The following AFTPH variants were observed in gnomAD, a reference collection of about 807,000 sequenced individuals.
AFTPH encodes the protein aftiphilin.
AFTPH carries 7 observed loss-of-function variants against 72.5 expected under a neutral mutation model. That is an observed-to-expected ratio of 0.10 (90% confidence interval 0.05 to 0.18). AFTPH has a LOEUF of 0.18. Among genes scored for constraint, AFTPH ranks in the 10% least tolerant of loss-of-function variants. The pLI is 1.00. For synonymous variants in AFTPH, 337 were observed against 370.1 expected, an observed-to-expected ratio of 0.91 and a Z score of 1.03; for missense variants, 979 against 1,060.5, an observed-to-expected ratio of 0.92 and a Z score of 1.07.
rs553731126 is a variant in AFTPH, at chr2:64,578,077, T to G, written c.2395-1409T>G. Among the ~76,000 whole-genome samples the G allele has an allele frequency of 2.6e-5, 4 of 152,332 alleles. No individual in the cohort carries two copies. In the East Asian group the frequency reaches 7.7e-4, roughly 29 times the overall value. ...AACTAATGTTAGTATTTTACTTGGT[T>G]TATACCTTGCTCCAGGCTGGACCTG... is the stretch of plus-strand genomic sequence containing the variant. On this transcript the variant is annotated intron_variant, in intron 6 of 8. Transcript: ENST00000238856.
At chr2:64,556,222 A>G (rs1572985977) in intron 2 of AFTPH, among the ~76,000 whole-genome samples, 2 of 152,290 alleles carry the variant, frequency 1.3e-5, no homozygotes, top group Non-Finnish European at 2.9e-5. Context: ...TCCTGACCTC[A>G]GGTGATCCAC....
chr2:64,543,944 A>G (rs925278894), intron 1 of AFTPH, among the ~76,000 whole-genome samples: 3 of 152,126 alleles, frequency 2.0e-5, no homozygotes, highest in Non-Finnish European at 2.9e-5. Flanking sequence ...ATACAGAATC[A>G]CCTTCACCTG....
intron 2 of AFTPH, among the ~76,000 whole-genome samples, chr2:64,560,746 G>A (rs964766874): frequency 2.0e-5 from 3 of 152,088 alleles, no homozygotes; most frequent in Admixed American, 6.5e-5. Context: ...GGTGGTGTGC[G>A]GCTGTAATTT....
At chr2:64,552,378 A>G (rs565051653) in exon 2 of AFTPH, 2 of 1,614,082 alleles carry the variant, frequency 1.2e-6, no homozygotes, top group African/African-American at 1.3e-5. Flanking sequence ...TGTTTCAGAA[A>G]TAAGCATAGT....
chr2:64,564,017 T>G (rs572568600), intron 2 of AFTPH, among the ~76,000 whole-genome samples: 1 of 152,320 alleles, frequency 6.6e-6, no homozygotes, highest in East Asian at 1.9e-4. Flanking sequence ...TATCCAAAAT[T>G]TAAACTCTAC....
intron 7 of AFTPH, among the ~76,000 whole-genome samples, chr2:64,583,054 G>A (rs933659542): frequency 4.6e-5 from 7 of 152,078 alleles, no homozygotes; most frequent in Non-Finnish European, 1.0e-4. Flanking sequence ...ATATAAATTT[G>A]ATTACTATAT....
At chr2:64,570,904 C>T (rs1672375543) in intron 5 of AFTPH, among the ~76,000 whole-genome samples, 3 of 98,642 alleles carry the variant, frequency 3.0e-5, no homozygotes, top group South Asian at 4.5e-4. Context: ...TTTCCCACTT[C>T]TTTCCTCCCC....
At chr2:64,557,111 A>ATT (rs966328078) in intron 2 of AFTPH, among the ~76,000 whole-genome samples, 1 of 151,720 alleles carries the variant, frequency 6.6e-6, no homozygotes, top group Non-Finnish European at 1.5e-5. Context: ...AAGCCAGGAA[A>ATT]TTTTTTTTTA....
At chr2:64,565,319 CA>C in intron 2 of AFTPH, among the ~76,000 whole-genome samples, 1 of 151,210 alleles carries the variant, frequency 6.6e-6, no homozygotes, top group South Asian at 2.1e-4. Flanking sequence ...ACTAAAAATA[CA>C]AAAAATTAGC....
exon 2 of AFTPH, chr2:64,551,537 GGATGAT>G: frequency 6.2e-7 from 1 of 1,613,706 alleles, no homozygotes; most frequent in Non-Finnish European, 8.5e-7. Context: ...ATGGAGCAGA[GGATGAT>G]GATGATGATG....
At chr2:64,544,187 A>C (rs1670422187) in intron 1 of AFTPH, among the ~76,000 whole-genome samples, 1 of 152,230 alleles carries the variant, frequency 6.6e-6, no homozygotes, top group Admixed American at 6.5e-5. Context: ...ATCTCCTGAT[A>C]AGGATGTGAT....
rs559425837 is a variant in AFTPH, at chr2:64,539,055, C to T, written c.-32-12388C>T. ...TCTGGGGATTTTTTTTCTCAGTATA[C>T]ACTAGTCACTTGAGGTTTAACTTAG... On this transcript the variant is annotated intron_variant, in intron 1 of 8. Coordinates refer to ENST00000238856, the Ensembl canonical transcript of AFTPH. Among the ~76,000 whole-genome samples, 128 of 152,168 alleles carry T rather than the reference C, an allele frequency of 8.4e-4. 1 individual carries two copies. Among genetic ancestry groups the T allele is most frequent in the African/African-American group, 2.5e-3 (105 of 41,528 alleles).
intron 1 of AFTPH, among the ~76,000 whole-genome samples, chr2:64,536,891 AGCAGT>A (rs1303073377): frequency 6.8e-6 from 1 of 147,662 alleles, no homozygotes; most frequent in Non-Finnish European, 1.5e-5. Flanking sequence ...AGGCAGAGGC[AGCAGT>A]GAGCCATGAT....
intron 1 of AFTPH, 146 bp from the exon 2 acceptor site, chr2:64,551,297 A>G: frequency 1.6e-6 from 1 of 618,610 alleles, no homozygotes; most frequent in Non-Finnish European, 2.7e-6. Context: ...GATACAAAAC[A>G]TCATGCAGGA....
intron 2 of AFTPH, among the ~76,000 whole-genome samples, chr2:64,561,520 TA>T (rs1671743683): frequency 6.6e-6 from 1 of 151,750 alleles, no homozygotes; most frequent in Non-Finnish European, 1.5e-5. Context: ...CTACAAAAAA[TA>T]AAAAATAAAA....
chr2:64,551,850 G>T (rs755541907), exon 2 of AFTPH: 1 of 1,613,716 alleles, frequency 6.2e-7, no homozygotes, highest in Non-Finnish European at 8.5e-7. Context: ...TACTTCCATT[G>T]ATGGCATGGA....
intron 1 of AFTPH, among the ~76,000 whole-genome samples, chr2:64,549,440 C>G (rs2103921734): frequency 6.9e-6 from 1 of 145,494 alleles, no homozygotes; most frequent in South Asian, 2.1e-4. Flanking sequence ...CCTGCCTCAG[C>G]TTCCTAAGTA....
chr2:64,541,729 A>G (rs1383845428), intron 1 of AFTPH, among the ~76,000 whole-genome samples: 1 of 152,208 alleles, frequency 6.6e-6, no homozygotes, highest in Non-Finnish European at 1.5e-5. Flanking sequence ...CTTGTAATGT[A>G]AATTGATGTT....
intron 5 of AFTPH, among the ~76,000 whole-genome samples, 181 bp from the exon 6 acceptor site, chr2:64,572,765 T>C (rs1382732238): frequency 6.6e-6 from 1 of 151,664 alleles, no homozygotes; most frequent in East Asian, 1.9e-4. Flanking sequence ...GCCAGGGAGA[T>C]TGAGGCCAGC....
Sources: allele counts gnomAD v4.1 joint callset (sites outside exome capture counted in the v4.1 genomes callset), GRCh38; gene constraint gnomAD v4.1.1; transcripts MANE v1.5; gene names NCBI Gene and HGNC (gene_info 2026-07-23, HGNC 2026-07-21).